The following ATP8A2 variants were observed in gnomAD, a reference collection of about 807,000 sequenced individuals.
ATP8A2 encodes phospholipid-transporting ATPase IB.
Under a neutral mutation model 165.6 loss-of-function variants are expected in ATP8A2, and 100 were observed. The ratio of observed to expected loss-of-function variants is 0.60; its 90% CI spans 0.51 to 0.71. The LOEUF (loss-of-function observed/expected upper bound fraction) is 0.71. ATP8A2 is among the 30% of genes least tolerant of loss of function. The pLI, the probability that ATP8A2 is intolerant of heterozygous loss-of-function variation, is 0.00. For synonymous variants in ATP8A2, 543 were observed against 548.8 expected (o/e 0.99, Z 0.15); for missense variants, 1,227 against 1,479.5 (o/e 0.83, Z 2.80).
At chr13:25,415,922 G>A (rs181623155) in intron 1 of ATP8A2, among the ~76,000 whole-genome samples, 3 of 152,150 alleles carry the variant, frequency 2.0e-5, no homozygotes, top group African/African-American at 7.2e-5. Context: ...TCAAACTCCT[G>A]GGCTCAAGGG....
intron 33 of ATP8A2, among the ~76,000 whole-genome samples, chr13:25,924,261 C>T (rs76982323): frequency 0.016 from 2,401 of 152,236 alleles, 69 homozygotes; most frequent in African/African-American, 0.054. Context: ...TGCCACAGAC[C>T]GGGCTGCTTT....
intron 1 of ATP8A2, among the ~76,000 whole-genome samples, chr13:25,422,284 A>G (rs2034323583): frequency 1.3e-5 from 2 of 152,216 alleles, no homozygotes; most frequent in South Asian, 4.1e-4. Flanking sequence ...TGGCACAAGC[A>G]TTTGCTTAAT....
intron 33 of ATP8A2, among the ~76,000 whole-genome samples, chr13:25,958,423 G>A (rs569537827): frequency 8.5e-5 from 13 of 152,280 alleles, no homozygotes; most frequent in South Asian, 4.1e-4. Context: ...ATCCTGATCC[G>A]CAGGTGCATG....
Position 25,467,270 on chromosome 13 carries a change from G to T in ATP8A2, c.77-1707G>T, listed in dbSNP as rs1222436109. Among the ~76,000 whole-genome samples the T allele has an allele frequency of 2.0e-5, 3 of 152,216 alleles. No individual in the cohort carries two copies. The East Asian group carries it at 5.8e-4, about 29-fold the overall frequency. ...TGCCTGGCCTGTGACCAGGGACCTG[G>T]CTTGAGCCCCGGAGCCTGCACCCAC... On this transcript the variant is annotated intron_variant, in intron 1 of 36. Transcript: ENST00000381655.
intron 33 of ATP8A2, chr13:25,871,130 G>C (rs550623555): frequency 2.3e-5 from 8 of 344,698 alleles, no homozygotes; most frequent in Admixed American, 1.7e-4. Context: ...TTCTTCAGAG[G>C]TTTTGTTGTG....
intron 2 of ATP8A2, among the ~76,000 whole-genome samples, chr13:25,486,252 A>G (rs776075265): frequency 1.3e-4 from 20 of 152,196 alleles, no homozygotes; most frequent in Non-Finnish European, 1.5e-4. Context: ...GCTATTTTCA[A>G]TTCAGTGCTG....
chr13:25,729,579 G>A (rs868840743), intron 25 of ATP8A2, among the ~76,000 whole-genome samples: 45 of 152,304 alleles, frequency 3.0e-4, no homozygotes, highest in Admixed American at 7.2e-4. Context: ...GGACTGTGTC[G>A]CGACACGTGT....
chr13:25,634,779 T>A (rs1415784352), intron 24 of ATP8A2, among the ~76,000 whole-genome samples: 1 of 152,176 alleles, frequency 6.6e-6, no homozygotes, highest in Admixed American at 6.5e-5. Flanking sequence ...CTGTTCAAGT[T>A]TATTCAGAAT....
At chr13:25,481,527 G>A (rs2036201149) in intron 2 of ATP8A2, among the ~76,000 whole-genome samples, 1 of 152,184 alleles carries the variant, frequency 6.6e-6, no homozygotes, top group African/African-American at 2.4e-5. Flanking sequence ...AGTGATGGAT[G>A]ACTCCACCTA....
At chr13:25,450,547 T>C (rs909121723) in intron 1 of ATP8A2, among the ~76,000 whole-genome samples, 5 of 152,206 alleles carry the variant, frequency 3.3e-5, no homozygotes, top group African/African-American at 1.2e-4. Context: ...TGTGTGTGTG[T>C]GTGAGACGGA....
Position 25,406,916 on chromosome 13 carries a change from G to A in ATP8A2, c.76+34628G>A, listed in dbSNP as rs561750036. On this transcript the variant is annotated intron_variant, in intron 1 of 36. Transcript: ENST00000381655. ...GGCAGATGGCCATGTCTCTCAGATC[G>A]TCAGGCCACCAAGGTAGCGTCCCCT... 7.9e-5 allele frequency among the ~76,000 whole-genome samples: 12 copies of A among 152,330 alleles called. No individual in the cohort carries two copies. The East Asian group carries it at 1.7e-3, about 22-fold the overall frequency.
At chr13:25,948,949 T>C (rs2181884) in intron 33 of ATP8A2, among the ~76,000 whole-genome samples, 108,036 of 152,130 alleles carry the variant, frequency 0.71, 38,536 homozygotes, top group East Asian at 0.78. Flanking sequence ...CTGGAAGCTT[T>C]AGCTCCTTGG....
At chr13:25,825,220 G>A (rs1347357642) in intron 27 of ATP8A2, among the ~76,000 whole-genome samples, 1 of 135,770 alleles carries the variant, frequency 7.4e-6, no homozygotes, top group Non-Finnish European at 1.5e-5. Context: ...GCAATGGCAT[G>A]GTCAGAGCTC....
At chr13:25,627,476 G>C (rs764970371) in intron 24 of ATP8A2, among the ~76,000 whole-genome samples, 1 of 152,152 alleles carries the variant, frequency 6.6e-6, no homozygotes, top group Non-Finnish European at 1.5e-5. Context: ...GAAATCATAA[G>C]GGTAGAGCCC....
intron 24 of ATP8A2, among the ~76,000 whole-genome samples, chr13:25,592,803 A>T (rs2040125741): frequency 6.6e-6 from 1 of 152,176 alleles, no homozygotes; most frequent in African/African-American, 2.4e-5. Flanking sequence ...TAGACCAAAG[A>T]GTGGTTTGTG....
At chr13:25,706,159 A>T (rs977468345) in intron 25 of ATP8A2, among the ~76,000 whole-genome samples, 1 of 152,208 alleles carries the variant, frequency 6.6e-6, no homozygotes, top group Non-Finnish European at 1.5e-5. Context: ...TCCTCTGTTT[A>T]GTAAGCATAG....
intron 35 of ATP8A2, 102 bp from the exon 36 acceptor site, chr13:26,012,429 G>A (rs1956868178): frequency 1.1e-6 from 1 of 898,504 alleles, no homozygotes; most frequent in Non-Finnish European, 1.7e-6. Flanking sequence ...TACCCGACGT[G>A]GGGAGGTGAT....
At chr13:25,873,991 T>C (rs185025356) in intron 33 of ATP8A2, among the ~76,000 whole-genome samples, 5 of 152,348 alleles carry the variant, frequency 3.3e-5, no homozygotes, top group Non-Finnish European at 7.3e-5. Flanking sequence ...CCAGTTAGTT[T>C]GCGCAGCATC....
chr13:25,694,230 C>G (rs1425976609), intron 24 of ATP8A2, among the ~76,000 whole-genome samples: 1 of 152,176 alleles, frequency 6.6e-6, no homozygotes, highest in Non-Finnish European at 1.5e-5. Context: ...ATGCTGTGCC[C>G]TCTTACAAAA....
Sources: gnomAD v4.1 joint callset for allele counts (sites outside exome capture counted in the v4.1 genomes callset) on GRCh38, gnomAD v4.1.1 for gene constraint, MANE v1.5 for transcripts, NCBI Gene and HGNC (gene_info 2026-07-23, HGNC 2026-07-21) for gene names.